Variants in PLA2G4A observed in about 807,000 individuals in gnomAD.
PLA2G4A encodes phospholipase A2 group IVA, also known as cytosolic phospholipase A2.
Under a neutral mutation model 81.9 loss-of-function variants are expected in PLA2G4A, and 40 were observed. The ratio of observed to expected loss-of-function variants is 0.49; its 90% CI spans 0.38 to 0.64. The LOEUF (loss-of-function observed/expected upper bound fraction) is 0.64, where lower values mean the gene tolerates loss of function less well. Among genes scored for constraint, PLA2G4A ranks in the 30% least tolerant of loss-of-function variants. The pLI, the probability that PLA2G4A is intolerant of heterozygous loss-of-function variation, is 0.00. For synonymous variants in PLA2G4A, 302 were observed against 296.9 expected (o/e 1.02, Z -0.18); for missense variants, 715 against 905.1 (o/e 0.79, Z 2.69).
rs146799665 is a variant in PLA2G4A at position 186,852,975 on chromosome 1, G to A, written c.-69-1311G>A. Among the ~76,000 whole-genome samples the A allele has an allele frequency of 6.6e-3, 997 of 152,056 alleles. 19 individuals carry two copies. The highest frequency in any genetic ancestry group is 0.023 in the African/African-American group (950 of 41,512). On this transcript the variant is annotated intron_variant, in intron 1 of 17. Coordinates refer to ENST00000367466, the MANE Select transcript of PLA2G4A (RefSeq NM_024420.3). ...TATACATTTTGAGCCTGATTAATAT[G>A]CATGATAAGATAAAAGTATTTGTAC... is the stretch of plus-strand genomic sequence containing the variant.
chr1:186,983,111 A>T (rs1657782930), intron 17 of PLA2G4A, among the ~76,000 whole-genome samples: 1 of 151,766 alleles, frequency 6.6e-6, no homozygotes, highest in African/African-American at 2.4e-5. Flanking sequence ...AAAAGAAAAG[A>T]AAAGAAAACA....
chr1:186,923,862 C>T (rs933301384), intron 7 of PLA2G4A, among the ~76,000 whole-genome samples: 5 of 152,202 alleles, frequency 3.3e-5, no homozygotes, highest in South Asian at 2.1e-4. Flanking sequence ...TTACTGCTAA[C>T]GGCTGACTAC....
intron 7 of PLA2G4A, among the ~76,000 whole-genome samples, chr1:186,930,603 T>A (rs750333747): frequency 2.0e-5 from 3 of 152,308 alleles, no homozygotes; most frequent in Middle Eastern, 3.4e-3. Flanking sequence ...ACTAAGAACT[T>A]TTTTTCTCTA....
intron 17 of PLA2G4A, among the ~76,000 whole-genome samples, chr1:186,986,248 C>G (rs1432326532): frequency 6.6e-6 from 1 of 152,052 alleles, no homozygotes; most frequent in African/African-American, 2.4e-5. Context: ...TTTTTATGCT[C>G]AAGAATTCAT....
chr1:186,922,508 G>C (rs1655388469), intron 7 of PLA2G4A, among the ~76,000 whole-genome samples: 1 of 152,170 alleles, frequency 6.6e-6, no homozygotes, highest in African/African-American at 2.4e-5. Flanking sequence ...CTCTGGTGAG[G>C]CATTCCACTG....
intron 17 of PLA2G4A, among the ~76,000 whole-genome samples, chr1:186,985,831 G>T (rs1337542538): frequency 6.6e-6 from 1 of 152,100 alleles, no homozygotes; most frequent in African/African-American, 2.4e-5. Context: ...ATGAATTTCA[G>T]GGAAGAATGA....
rs956718280 is a variant in PLA2G4A at position 186,892,872 on chromosome 1, T to C, written c.116-139T>C. 3 of 681,974 alleles carry C rather than the reference T, an allele frequency of 4.4e-6. No individual in the cohort carries two copies. The African/African-American group carries it at 5.4e-5, about 12-fold the overall frequency. The allele number at this position is 681,974 out of a possible 1,614,324, so 42.2% of individuals were successfully genotyped here. ...TACCCTATGATGTTTTTCTATTATG[T>C]GTATATTATCTTGTCTCAGACATTT... On this transcript the variant is annotated intron_variant, in intron 3 of 17. Transcript: ENST00000367466.
In PLA2G4A at chr1:186,855,903, C is replaced by T. The variant is rs191207046; in HGVS notation, c.33+1516C>T. Among the ~76,000 whole-genome samples the T allele has an allele frequency of 5.9e-4, 89 of 152,126 alleles. 1 individual carries two copies. The highest frequency in any genetic ancestry group is 2.0e-3 in the African/African-American group (81 of 41,526). On this transcript the variant is annotated intron_variant, in intron 2 of 17. Transcript: ENST00000367466. ...AATCTATCCTAATTTCTGTAGTTTG[C>T]GCCAATACTAATCTATCCTAATTTC...
intron 1 of PLA2G4A, among the ~76,000 whole-genome samples, chr1:186,843,685 T>C (rs1309370460): frequency 6.6e-6 from 1 of 152,190 alleles, no homozygotes; most frequent in East Asian, 1.9e-4. Flanking sequence ...GCGGACATGA[T>C]CCTGCAGAGG....
chr1:186,984,514 A>AC (rs1263655883), intron 17 of PLA2G4A, among the ~76,000 whole-genome samples: 12 of 152,230 alleles, frequency 7.9e-5, no homozygotes, highest in African/African-American at 2.9e-4. Flanking sequence ...ACAAAGTGCT[A>AC]AACATTAAAT....
chr1:186,984,781 A>G (rs562082947), intron 17 of PLA2G4A, among the ~76,000 whole-genome samples: 1 of 152,286 alleles, frequency 6.6e-6, no homozygotes, highest in South Asian at 2.1e-4. Flanking sequence ...TTTATTGTTT[A>G]GTGTGCCAGA....
intron 7 of PLA2G4A, among the ~76,000 whole-genome samples, chr1:186,922,134 C>T (rs1039996422): frequency 3.9e-5 from 6 of 152,164 alleles, no homozygotes; most frequent in African/African-American, 1.2e-4. Context: ...TGTGTTTCCT[C>T]GAGACAAAAG....
chr1:186,871,922 T>A (rs2102062080), intron 3 of PLA2G4A, among the ~76,000 whole-genome samples: 1 of 152,174 alleles, frequency 6.6e-6, no homozygotes, highest in East Asian at 1.9e-4. Flanking sequence ...AAAATGCCAG[T>A]AAAGAGGGAG....
chr1:186,880,503 T>G (rs1653688471), intron 3 of PLA2G4A, among the ~76,000 whole-genome samples: 1 of 151,896 alleles, frequency 6.6e-6, no homozygotes, highest in Non-Finnish European at 1.5e-5. Context: ...CTAGAGACAT[T>G]TTTGTCAAAA....
intron 7 of PLA2G4A, among the ~76,000 whole-genome samples, chr1:186,925,428 C>G (rs924398120): frequency 6.6e-6 from 1 of 152,206 alleles, no homozygotes; most frequent in East Asian, 1.9e-4. Flanking sequence ...CTCTTAGACT[C>G]TTCTCCACAG....
At chr1:186,852,661 A>C (rs1652416180) in intron 1 of PLA2G4A, among the ~76,000 whole-genome samples, 1 of 151,996 alleles carries the variant, frequency 6.6e-6, no homozygotes, top group African/African-American at 2.4e-5. Flanking sequence ...AGCCCCTTTA[A>C]AAAGGTATTA....
chr1:186,916,940 T>C (rs1010294227), intron 7 of PLA2G4A, among the ~76,000 whole-genome samples: 2 of 152,190 alleles, frequency 1.3e-5, no homozygotes, highest in African/African-American at 4.8e-5. Context: ...CGGCTGTGCA[T>C]AGACCAGTCA....
intron 7 of PLA2G4A, among the ~76,000 whole-genome samples, chr1:186,922,601 C>G (rs1340484304): frequency 6.6e-6 from 1 of 152,208 alleles, no homozygotes; most frequent in Admixed American, 6.5e-5. Flanking sequence ...CTCCACAGGG[C>G]AGGCCTAAGC....
Position 186,955,424 on chromosome 1 carries a change from C to T in PLA2G4A, c.1337-678C>T, listed in dbSNP as rs549274917. 3.9e-5 allele frequency among the ~76,000 whole-genome samples: 6 copies of T among 152,174 alleles called. No individual in the cohort carries two copies. The South Asian group carries it at 1.2e-3, about 32-fold the overall frequency. On this transcript the variant is annotated intron_variant, in intron 13 of 17. Transcript: ENST00000367466. ...GAAATGTAGAGGATAGAATTAACCACTGGATTTTCTGTGTGTAAGTTATAT... is the reference window on the plus strand; with the variant it reads ...GAAATGTAGAGGATAGAATTAACCATTGGATTTTCTGTGTGTAAGTTATAT...
Sources: gnomAD v4.1 joint callset for allele counts (sites outside exome capture counted in the v4.1 genomes callset) on GRCh38, gnomAD v4.1.1 for gene constraint, MANE v1.5 for transcripts, NCBI Gene and HGNC (gene_info 2026-07-23, HGNC 2026-07-21) for gene names.